The following CHMP4C variants were observed in gnomAD, a reference collection of about 807,000 sequenced individuals.
The protein encoded by CHMP4C is charged multivesicular body protein 4C.
CHMP4C carries 28 observed loss-of-function variants against 29.0 expected under a neutral mutation model. The observed-to-expected ratio is 0.97, with a 90% CI of 0.72 to 1.32. CHMP4C has a LOEUF of 1.32. Among genes scored for constraint, CHMP4C ranks in the 40% most tolerant of loss-of-function variants. The pLI is 0.00. For missense variants in CHMP4C, 291 were observed against 281.0 expected, an observed-to-expected ratio of 1.04 and a Z score of -0.25; for synonymous variants, 106 against 102.4, an observed-to-expected ratio of 1.04 and a Z score of -0.21.
chr8:81,751,069 A>C (rs1012114698), intron 1 of CHMP4C, among the ~76,000 whole-genome samples: 1 of 152,186 alleles, frequency 6.6e-6, no homozygotes, highest in Non-Finnish European at 1.5e-5. Flanking sequence ...TTTTGAACCT[A>C]GCATTCTGTA....
Position 81,753,209 on chromosome 8 carries a change from A to C in CHMP4C, c.336A>C (p.Ala112=), listed in dbSNP as rs776580667. ...AGGTGTTGAGGAACATGGGCTTTGC[A>C]GCAAAAGCGATGAAATCTGTTCATG... The part of the protein sequence containing the change: ...NTEVLRNMGF[A]AKAMKSVHEN... The change falls in exon 2 of 5, where the codon GCA becomes GCC. Residue 112 remains alanine (A), a synonymous_variant. Transcript: ENST00000297265. 3.7e-6 allele frequency: 6 copies of C among 1,606,496 alleles called. No individual in the cohort carries two copies. In the South Asian group the frequency reaches 6.7e-5, roughly 18 times the overall value.
Position 81,755,375 on chromosome 8 carries a change from T to C in CHMP4C, c.374T>C (p.Leu125Pro). The C allele has an allele frequency of 6.3e-7, 1 of 1,581,350 alleles. No individual in the cohort carries two copies. The highest frequency in any genetic ancestry group is 2.3e-5 in the East Asian group (1 of 44,356). The stretch of plus-strand genomic sequence containing the variant: ...AACAAAATATGATTTCCCAGGGATC[T>C]GAACAAAATAGATGATTTGATGCAA... ...AMKSVHENMDLNKIDDLMQEI... is the reference protein window; with the variant it reads ...AMKSVHENMDPNKIDDLMQEI... Residue 125 changes from leucine to proline, a missense_variant, in exon 3 of 5, where the codon CTG becomes CCG. Leu to Pro is a moderately conservative substitution (Grantham distance 98). Transcript: ENST00000297265.
intron 1 of CHMP4C, among the ~76,000 whole-genome samples, chr8:81,738,341 A>C (rs750486069): frequency 1.3e-5 from 2 of 152,186 alleles, no homozygotes; most frequent in African/African-American, 2.4e-5. Flanking sequence ...AAGCTGTTCT[A>C]CCTCTTCATC....
rs1808637562 is a variant in CHMP4C at position 81,732,892 on chromosome 8, A to C, written c.190+76A>C. On this transcript the variant is annotated intron_variant, in intron 1 of 4. Coordinates refer to ENST00000297265, the MANE Select transcript of CHMP4C (RefSeq NM_152284.4). Reference sequence around the variant, plus strand: ...CCCTTGGGGACAATCGGCCCACACCACTGAGGTCCCCAGGTGGCCAGGTTT... The same window carrying C: ...CCCTTGGGGACAATCGGCCCACACCCCTGAGGTCCCCAGGTGGCCAGGTTT... 7.9e-6 allele frequency: 11 copies of C among 1,392,922 alleles called. No homozygotes were observed. The South Asian group carries it at 1.5e-4, about 19-fold the overall frequency. The allele number at this position is 1,392,922 out of a possible 1,614,324, so 86.3% of individuals were successfully genotyped here.
chr8:81,744,081 A>G (rs1019080629), intron 1 of CHMP4C, among the ~76,000 whole-genome samples: 5 of 152,162 alleles, frequency 3.3e-5, no homozygotes, highest in African/African-American at 4.8e-5. Context: ...CTTTAGCATT[A>G]TATAATCCTA....
chr8:81,758,005 C>A, intron 3 of CHMP4C, 137 bp from the exon 4 acceptor site: 1 of 793,296 alleles, frequency 1.3e-6, no homozygotes, highest in Non-Finnish European at 2.0e-6. Context: ...GCAAAAAAGA[C>A]TTAGTTTTAA....
chr8:81,750,619 A>G (rs1808889330), intron 1 of CHMP4C, among the ~76,000 whole-genome samples: 1 of 152,052 alleles, frequency 6.6e-6, no homozygotes, highest in Non-Finnish European at 1.5e-5. Context: ...AAAAAAATAT[A>G]TAGGACAAAG....
At chr8:81,747,335 A>G (rs1045077388) in intron 1 of CHMP4C, among the ~76,000 whole-genome samples, 1 of 151,948 alleles carries the variant, frequency 6.6e-6, no homozygotes, top group Non-Finnish European at 1.5e-5. Flanking sequence ...AGAACTTAAA[A>G]AAGTTGCTCA....
intron 1 of CHMP4C, among the ~76,000 whole-genome samples, chr8:81,740,136 G>A (rs535446033): frequency 2.0e-5 from 3 of 152,302 alleles, no homozygotes; most frequent in African/African-American, 7.2e-5. Flanking sequence ...CAGAACCAAG[G>A]ACAGAACCTT....
intron 1 of CHMP4C, among the ~76,000 whole-genome samples, chr8:81,735,991 C>A (rs1252876139): frequency 6.6e-6 from 1 of 151,848 alleles, no homozygotes; most frequent in Non-Finnish European, 1.5e-5. Flanking sequence ...GAGGCTGAGG[C>A]AAAATAATTG....
chr8:81,734,529 C>T (rs191867100), intron 1 of CHMP4C, among the ~76,000 whole-genome samples: 8 of 152,148 alleles, frequency 5.3e-5, no homozygotes, highest in Non-Finnish European at 8.8e-5. Context: ...AGGGTTTCTC[C>T]ATGTTGGTAA....
chr8:81,753,432 A>C (rs914131270), intron 2 of CHMP4C, among the ~76,000 whole-genome samples, 191 bp downstream of exon 2: 2 of 152,170 alleles, frequency 1.3e-5, no homozygotes, highest in Non-Finnish European at 2.9e-5. Context: ...GAAAAAAGAA[A>C]GGGCATTCAT....
intron 1 of CHMP4C, among the ~76,000 whole-genome samples, chr8:81,752,117 G>A (rs1273185633): frequency 6.6e-6 from 1 of 152,110 alleles, no homozygotes; most frequent in Non-Finnish European, 1.5e-5. Context: ...GACGAAAACA[G>A]TTAGAAGAGA....
At chr8:81,735,159 G>T (rs1365941132) in intron 1 of CHMP4C, among the ~76,000 whole-genome samples, 2 of 152,152 alleles carry the variant, frequency 1.3e-5, no homozygotes, top group Non-Finnish European at 2.9e-5. Context: ...CTCCCAAAGT[G>T]CTGGGATTAC....
chr8:81,752,069 T>G (rs1808910499), intron 1 of CHMP4C, among the ~76,000 whole-genome samples: 1 of 151,890 alleles, frequency 6.6e-6, no homozygotes, highest in Non-Finnish European at 1.5e-5. Context: ...AGCACTGGAA[T>G]GAATCAATCA....
At chr8:81,742,622 T>G (rs1808775170) in intron 1 of CHMP4C, among the ~76,000 whole-genome samples, 1 of 152,222 alleles carries the variant, frequency 6.6e-6, no homozygotes, top group Admixed American at 6.6e-5. Context: ...GGGTGCGTCT[T>G]ATTTGCTGCA....
chr8:81,750,585 C>T (rs1379042001), intron 1 of CHMP4C, among the ~76,000 whole-genome samples: 1 of 152,012 alleles, frequency 6.6e-6, no homozygotes, highest in African/African-American at 2.4e-5. Context: ...GCCCGAGTGA[C>T]AGAGTGATAC....
intron 1 of CHMP4C, among the ~76,000 whole-genome samples, chr8:81,740,013 T>C (rs1554592506): frequency 6.6e-6 from 1 of 152,250 alleles, no homozygotes; most frequent in Non-Finnish European, 1.5e-5. Context: ...AAGATTTTAA[T>C]TCCAATTTTA....
intron 2 of CHMP4C, 78 bp from the exon 3 acceptor site, chr8:81,755,291 AC>A: frequency 1.6e-6 from 1 of 642,958 alleles, no homozygotes; most frequent in Non-Finnish European, 2.6e-6. Flanking sequence ...AAATGAACTG[AC>A]TTTTTATATA....
Sources: allele counts gnomAD v4.1 joint callset (sites outside exome capture counted in the v4.1 genomes callset), GRCh38; gene constraint gnomAD v4.1.1; transcripts MANE v1.5; gene names NCBI Gene and HGNC (gene_info 2026-07-23, HGNC 2026-07-21).